Variants in THSD7B observed in about 807,000 individuals in gnomAD.
The protein encoded by THSD7B is thrombospondin type-1 domain-containing protein 7B.
Under a neutral mutation model 213.6 loss-of-function variants are expected in THSD7B, and 138 were observed. That is an observed-to-expected ratio of 0.65 (90% CI 0.56 to 0.74). THSD7B has a LOEUF of 0.74. THSD7B is among the 30% of genes least tolerant of loss of function. THSD7B has a pLI of 0.00. For synonymous variants in THSD7B, 742 were observed against 687.0 expected (o/e 1.08, Z -1.25); for missense variants, 1,931 against 1,991.5 (o/e 0.97, Z 0.58).
chr2:137,095,260 G>A (rs1286656563), intron 4 of THSD7B, 139 bp downstream of exon 4: 2 of 1,236,106 alleles, frequency 1.6e-6, no homozygotes, highest in South Asian at 1.6e-5. Flanking sequence ...TGGCAGCATA[G>A]GAGAGCGGGT....
intron 1 of THSD7B, among the ~76,000 whole-genome samples, chr2:136,874,839 A>G (rs1683499656): frequency 6.6e-6 from 1 of 152,228 alleles, no homozygotes; most frequent in Non-Finnish European, 1.5e-5. Flanking sequence ...GACCTTCATG[A>G]TATAAATTAT....
At chr2:137,334,376 A>G (rs1253042485) in intron 12 of THSD7B, among the ~76,000 whole-genome samples, 2 of 152,128 alleles carry the variant, frequency 1.3e-5, no homozygotes, top group Non-Finnish European at 2.9e-5. Flanking sequence ...TCGGGGAGCA[A>G]GAAAGGAAGT....
At chr2:137,665,034 A>C (rs934012633) in intron 26 of THSD7B, among the ~76,000 whole-genome samples, 1 of 152,184 alleles carries the variant, frequency 6.6e-6, no homozygotes, top group African/African-American at 2.4e-5. Context: ...AGGAGAAGCA[A>C]TATTTATACC....
intron 5 of THSD7B, 111 bp from the exon 6 acceptor site, chr2:137,160,102 T>C: frequency 8.1e-7 from 1 of 1,232,316 alleles, no homozygotes; most frequent in Non-Finnish European, 1.1e-6. Context: ...TTGCATATGT[T>C]CTTTTTAACT....
At chr2:137,379,053 C>T (rs933611103) in intron 12 of THSD7B, among the ~76,000 whole-genome samples, 4 of 152,090 alleles carry the variant, frequency 2.6e-5, no homozygotes, top group East Asian at 1.9e-4. Flanking sequence ...TAGCTGGGAA[C>T]GCAGAGGGCT....
At chr2:137,088,190 A>C (rs1034355726) in intron 3 of THSD7B, among the ~76,000 whole-genome samples, 1 of 152,074 alleles carries the variant, frequency 6.6e-6, no homozygotes, top group African/African-American at 2.4e-5. Context: ...CAGTAAGCTG[A>C]GATTGCACCA....
chr2:137,675,380 T>C (rs994170110), intron 27 of THSD7B, among the ~76,000 whole-genome samples: 2 of 147,696 alleles, frequency 1.4e-5, no homozygotes, highest in East Asian at 4.0e-4. Flanking sequence ...AAATGTCATT[T>C]CTACCAAGTG....
chr2:137,548,500 C>A (rs760608036), intron 15 of THSD7B, among the ~76,000 whole-genome samples: 9 of 151,984 alleles, frequency 5.9e-5, no homozygotes, highest in Non-Finnish European at 1.3e-4. Flanking sequence ...ATGACTTATT[C>A]TTTCCCAAAC....
intron 15 of THSD7B, among the ~76,000 whole-genome samples, chr2:137,505,289 G>T (rs1188541729): frequency 1.3e-5 from 2 of 152,178 alleles, no homozygotes; most frequent in African/African-American, 4.8e-5. Flanking sequence ...ATCACTCAGG[G>T]TTTTTGTTCA....
chr2:137,393,289 T>G (rs1285285134), intron 12 of THSD7B, among the ~76,000 whole-genome samples: 1 of 151,938 alleles, frequency 6.6e-6, no homozygotes, highest in African/African-American at 2.4e-5. Flanking sequence ...TAGGTATATC[T>G]CCCAATGCTA....
At chr2:137,118,499 A>G (rs759802845) in intron 5 of THSD7B, among the ~76,000 whole-genome samples, 7 of 152,230 alleles carry the variant, frequency 4.6e-5, no homozygotes, top group Non-Finnish European at 1.0e-4. Flanking sequence ...GCAATAAACT[A>G]TATTTAAAAA....
intron 17 of THSD7B, among the ~76,000 whole-genome samples, chr2:137,606,720 G>A (rs375596830): frequency 3.9e-5 from 6 of 152,014 alleles, no homozygotes; most frequent in South Asian, 2.1e-4. Flanking sequence ...ACTTTGGCTC[G>A]ACTTTAAATT....
chr2:137,552,570 G>A (rs1039701768), intron 15 of THSD7B, among the ~76,000 whole-genome samples: 2 of 152,120 alleles, frequency 1.3e-5, no homozygotes, highest in African/African-American at 4.8e-5. Context: ...AAGCTATAAA[G>A]TTCTACACTG....
intron 2 of THSD7B, among the ~76,000 whole-genome samples, chr2:136,958,881 A>G (rs1305872908): frequency 6.6e-6 from 1 of 152,088 alleles, no homozygotes; most frequent in Non-Finnish European, 1.5e-5. Context: ...CAGACCTTTG[A>G]ATTCTCTGTT....
At chr2:137,171,451 A>T (rs1680249974) in intron 7 of THSD7B, among the ~76,000 whole-genome samples, 2 of 152,198 alleles carry the variant, frequency 1.3e-5, no homozygotes, top group Admixed American at 6.5e-5. Context: ...CTGTTTTTAA[A>T]TACAAGTTGT....
intron 12 of THSD7B, among the ~76,000 whole-genome samples, chr2:137,373,638 T>C (rs1242679215): frequency 1.6e-4 from 25 of 152,126 alleles, no homozygotes. Context: ...TTTTCTCCCA[T>C]TTTGTAGGTT....
chr2:137,253,155 G>T (rs927182842), intron 10 of THSD7B, among the ~76,000 whole-genome samples: 1 of 152,070 alleles, frequency 6.6e-6, no homozygotes, highest in Non-Finnish European at 1.5e-5. Context: ...AGCAAAATAT[G>T]CAGTCTGTGT....
rs145494405 is a variant in THSD7B, at chr2:137,251,923, A to T, written c.2266+9351A>T. 7.9e-5 allele frequency among the ~76,000 whole-genome samples: 12 copies of T among 152,264 alleles called. No individual in the cohort carries two copies. The East Asian group carries it at 2.3e-3, about 29-fold the overall frequency. On this transcript the variant is annotated intron_variant, in intron 10 of 27. Coordinates refer to ENST00000409968, the MANE Select transcript of THSD7B (RefSeq NM_001316349.2). Reference sequence around the variant, plus strand: ...GACAAGCACCTACTGTGTTGTTTTAATCAACTCTATTTTAGTTTTTAAGGA... The same window carrying T: ...GACAAGCACCTACTGTGTTGTTTTATTCAACTCTATTTTAGTTTTTAAGGA...
intron 15 of THSD7B, among the ~76,000 whole-genome samples, chr2:137,466,157 C>T (rs1156884801): frequency 1.3e-5 from 2 of 152,000 alleles, no homozygotes; most frequent in Non-Finnish European, 2.9e-5. Context: ...TGTTCATAAG[C>T]CCCAGTAGCT....
Sources: gnomAD v4.1 joint callset for allele counts (sites outside exome capture counted in the v4.1 genomes callset) on GRCh38, gnomAD v4.1.1 for gene constraint, MANE v1.5 for transcripts, NCBI Gene and HGNC (gene_info 2026-07-23, HGNC 2026-07-21) for gene names.